The following CD8A variants were observed in gnomAD, a reference collection of about 807,000 sequenced individuals.
CD8A encodes T-cell surface glycoprotein CD8 alpha chain.
In CD8A, 25 loss-of-function variants were observed where a neutral mutation model predicts 24.2. The observed-to-expected ratio is 1.03, with a 90% CI of 0.75 to 1.44. The LOEUF is 1.44. Among genes scored for constraint, CD8A ranks in the 40% most tolerant of loss-of-function variants. CD8A has a pLI of 0.00. For synonymous variants in CD8A, 165 were observed against 149.9 expected, an observed-to-expected ratio of 1.10 and a Z score of -0.74; for missense variants, 360 against 319.7, an observed-to-expected ratio of 1.13 and a Z score of -0.96.
In CD8A at chr2:86,790,590, C is replaced by T. The variant is rs1378213693; in HGVS notation, c.141G>A (p.Leu47=). The T allele has an allele frequency of 6.2e-6, 10 of 1,611,572 alleles. No homozygotes were observed. In the African/African-American group the frequency reaches 1.3e-4, roughly 22 times the overall value. The part of the protein sequence containing the change: ...ETVELKCQVL[L]SNPTSGCSWL... ...ACGAGCAGCCCGACGTCGGGTTGGA[C>T]AGCAGCACCTGGCACTTCAGCTCCA... The change falls in exon 2 of 6, where the codon CTG becomes CTA. Residue 47 remains leucine (L), a synonymous_variant. Coordinates refer to ENST00000283635, the MANE Select transcript of CD8A (RefSeq NM_001768.7).
chr2:86,790,498 G>A lies in CD8A; in HGVS notation c.233C>T (p.Pro78Leu), dbSNP rs1673237279. 6.2e-7 allele frequency: 1 copy of A among 1,614,014 alleles called. No homozygotes were observed. The highest frequency in any genetic ancestry group is 1.3e-5 in the African/African-American group (1 of 74,950). Reference protein sequence around the residue: ...TFLLYLSQNKPKAAEGLDTQR... With the variant: ...TFLLYLSQNKLKAAEGLDTQR... ...GGTGTCCAGCCCCTCGGCCGCCTTGGGCTTGTTTTGGGAGAGGTATAGGAG... is the reference window on the plus strand; with the variant it reads ...GGTGTCCAGCCCCTCGGCCGCCTTGAGCTTGTTTTGGGAGAGGTATAGGAG... Residue 78 changes from proline to leucine, a missense_variant, in exon 2 of 6, where the codon CCC becomes CTC. Coordinates refer to ENST00000283635, the MANE Select transcript of CD8A (RefSeq NM_001768.7).
chr2:86,789,194 T>G (rs1339811924), intron 4 of CD8A, 129 bp downstream of exon 4: 7 of 739,176 alleles, frequency 9.5e-6, no homozygotes, highest in Non-Finnish European at 1.5e-5. Context: ...TGCCTGTACC[T>G]GCGGGGCAGC....
At chr2:86,786,837 G>T (rs927725472) in intron 5 of CD8A, among the ~76,000 whole-genome samples, 2 of 151,516 alleles carry the variant, frequency 1.3e-5, no homozygotes, top group Non-Finnish European at 2.9e-5. Context: ...TGGCTAACAC[G>T]GTGAAACCCC....
intron 2 of CD8A, among the ~76,000 whole-genome samples, chr2:86,806,565 C>G (rs1192960671): frequency 1.3e-5 from 2 of 152,214 alleles, no homozygotes; most frequent in Non-Finnish European, 2.9e-5. Context: ...GCTGCTCCCT[C>G]CACACCTCAG....
chr2:86,789,219 A>G, intron 4 of CD8A, 104 bp downstream of exon 4: 1 of 803,954 alleles, frequency 1.2e-6, no homozygotes, highest in African/African-American at 1.7e-5. Context: ...GAGTCCCAGA[A>G]AACTCAACCC....
intron 4 of CD8A, among the ~76,000 whole-genome samples, chr2:86,789,076 A>AAC (rs1227845196): frequency 6.6e-6 from 1 of 152,186 alleles, no homozygotes; most frequent in Non-Finnish European, 1.5e-5. Context: ...TCGTCGACGG[A>AAC]ACACACCCGC....
intron 4 of CD8A, 71 bp from the exon 5 acceptor site, chr2:86,788,631 T>G (rs1302609892): frequency 7.1e-7 from 1 of 1,410,462 alleles, no homozygotes; most frequent in African/African-American, 1.4e-5. Flanking sequence ...CAGTGTATTT[T>G]TTGTTGTTGC....
At chr2:86,799,760 A>T (rs1395474105) in intron 3 of CD8A, among the ~76,000 whole-genome samples, 2 of 152,002 alleles carry the variant, frequency 1.3e-5, no homozygotes, top group Non-Finnish European at 1.5e-5. Flanking sequence ...TGTCTCAAAA[A>T]AAAAAGAAAG....
At chr2:86,797,117 G>A (rs558908205) in intron 3 of CD8A, among the ~76,000 whole-genome samples, 1 of 152,262 alleles carries the variant, frequency 6.6e-6, no homozygotes, top group South Asian at 2.1e-4. Flanking sequence ...TAACAAAATT[G>A]TTTTGGATCT....
chr2:86,787,906 T>A (rs1258813033), intron 5 of CD8A, among the ~76,000 whole-genome samples: 3 of 149,026 alleles, frequency 2.0e-5, no homozygotes, highest in Non-Finnish European at 3.0e-5. Context: ...AGAGTGTGTG[T>A]GTGTGTGTGT....
At position 86,790,437 on chromosome 2, in the gene CD8A, G is replaced by C; in HGVS notation, c.294C>G (p.Phe98Leu). 1 of 1,614,116 alleles carries C rather than the reference G, an allele frequency of 6.2e-7. No homozygotes were observed. The highest frequency in any genetic ancestry group is 1.6e-4 in the Middle Eastern group (1 of 6,062). Residue 98 changes from phenylalanine to leucine, a missense_variant, in exon 2 of 6, where the codon TTC (phenylalanine) becomes TTG (leucine). Coordinates refer to ENST00000283635, the MANE Select transcript of CD8A (RefSeq NM_001768.7). ...GGCGGAAGTCGCTCAGGGTGAGGAC[G>C]AAGGTGTCCCCCAACCTCTTGCCCG... ...RFSGKRLGDTFVLTLSDFRRE... is the reference protein window; with the variant it reads ...RFSGKRLGDTLVLTLSDFRRE...
rs138963205 is a variant in CD8A, at chr2:86,788,530, C to A, written c.656G>T (p.Arg219Leu). The A allele has an allele frequency of 8.9e-5, 143 of 1,612,478 alleles. No individual in the cohort carries two copies. The highest frequency in any genetic ancestry group is 1.1e-4 in the Non-Finnish European group (129 of 1,179,216). Residue 219 changes from arginine (R) to leucine (L), a missense_variant and splice_region_variant, in exon 5 of 6, where the codon CGG (arginine) becomes CTG (leucine). Transcript: ENST00000283635. ...CAGGCTGAGTTCAAAAGAGACTCAC[C>A]GGGGACATTTGCAAACACGTCTTCG... ...RNRRRVCKCP[R>L]PVVKSGDKPS... is the part of the protein sequence containing the mutation.
intron 3 of CD8A, among the ~76,000 whole-genome samples, chr2:86,799,459 G>GCCTGGGCGACAGAGCGAGACTCT (rs1673588549): frequency 6.6e-6 from 1 of 151,968 alleles, no homozygotes; most frequent in African/African-American, 2.4e-5. Context: ...CCAGTATCCA[G>GCCTGGGCGACAGAGCGAGACTCT]GTAGAGTCAT....
At position 86,797,699 on chromosome 2, in the gene CD8A, GT is replaced by G. The variant is rs576946702; in HGVS notation, c.-271+3811del. ...CTGCTATTCACTTTTTTAAAAAAAA[GT>G]TTTGAAAACATTTTAACATAGAACA... On this transcript the variant is annotated intron_variant, in intron 3 of 8. Transcript: ENST00000409511. Among the ~76,000 whole-genome samples, 29 of 151,694 alleles carry G rather than the reference GT, an allele frequency of 1.9e-4. No individual in the cohort carries two copies. The South Asian group carries it at 6.0e-3, about 31-fold the overall frequency.
upstream of CD8A, among the ~76,000 whole-genome samples, chr2:86,792,263 G>A (rs1359642563): frequency 2.0e-5 from 3 of 151,990 alleles, no homozygotes; most frequent in Non-Finnish European, 4.4e-5. Flanking sequence ...ATCCCATAGT[G>A]GCTGCACCTC....
At chr2:86,790,722 G>GCCCCCCC in intron 1 of CD8A, 41 bp from the exon 2 acceptor site, 6 of 1,487,852 alleles carry the variant, frequency 4.0e-6, no homozygotes, top group African/African-American at 2.8e-5. Context: ...GCAGTCCCGC[G>GCCCCCCC]CCCCCCGCCC....
rs146994832 is a variant in CD8A at position 86,789,325 on chromosome 2, T to A, written c.623A>T (p.His208Leu). The change falls in exon 4 of 6, where the codon CAC becomes CTC. Residue 208 changes from histidine (H) to leucine (L), a missense_variant and splice_region_variant. Physicochemically the swap from His to Leu is moderately conservative, Grantham distance 99 (BLOSUM62 -3). Transcript: ENST00000283635. ...LSLVITLYCNHRNRRRVCKCP... is the reference protein window; with the variant it reads ...LSLVITLYCNLRNRRRVCKCP... ...CGCCGCGATTCCTCGGGACTTACTG[T>A]GGTTGCAGTAAAGGGTGATAACCAG... 2.4e-5 allele frequency: 38 copies of A among 1,584,158 alleles called. No individual in the cohort carries two copies. The African/African-American group carries it at 4.8e-4, about 20-fold the overall frequency.
rs188243193 is a variant in CD8A at position 86,787,835 on chromosome 2, C to T, written c.656+695G>A. On this transcript the variant is annotated intron_variant, in intron 5 of 5. Transcript: ENST00000283635. ...TAGAGCAGGCACTTGTTAGATGCTA[C>T]CACAGGGATGCCTCAGCCAACGGGT... Among the ~76,000 whole-genome samples, 6 of 151,684 alleles carry T rather than the reference C, an allele frequency of 4.0e-5. No individual in the cohort carries two copies. In the East Asian group the frequency reaches 7.8e-4, roughly 20 times the overall value.
At chr2:86,802,601 T>C (rs941628382) in intron 2 of CD8A, among the ~76,000 whole-genome samples, 4 of 152,072 alleles carry the variant, frequency 2.6e-5, no homozygotes, top group African/African-American at 9.7e-5. Context: ...ATAAGTCCAT[T>C]TGTTTTTACT....
Sources: allele counts gnomAD v4.1 joint callset (sites outside exome capture counted in the v4.1 genomes callset), GRCh38; gene constraint gnomAD v4.1.1; transcripts MANE v1.5; gene names NCBI Gene and HGNC (gene_info 2026-07-23, HGNC 2026-07-21).